The following CSMD2 variants were observed in gnomAD, a reference collection of about 807,000 sequenced individuals.
CSMD2 encodes CUB and Sushi multiple domains 2.
A neutral mutation model predicts 398.5 loss-of-function variants in CSMD2; 130 were observed. That is an observed-to-expected ratio of 0.33 (90% confidence interval 0.28 to 0.38). The LOEUF is 0.38. Ranked by LOEUF, CSMD2 falls within the 10% of genes least tolerant of loss-of-function variation. The probability of loss-of-function intolerance (pLI) is 1.00; values close to 1 mark genes in which losing one functional copy is unlikely to be tolerated. For missense variants in CSMD2, 3,829 were observed against 4,764.9 expected (o/e 0.80, Z 5.78); for synonymous variants, 1,828 against 1,908.5 (o/e 0.96, Z 1.10).
At chr1:33,598,668 T>G (rs927682255) in intron 44 of CSMD2, 4 of 137,178 alleles carry the variant, frequency 2.9e-5, no homozygotes, top group South Asian at 2.5e-4. Flanking sequence ...TTCCTGTGTT[T>G]TTTTTTTTTT....
chr1:33,614,602 A>G lies in CSMD2; in HGVS notation c.6035T>C (p.Val2012Ala), dbSNP rs1297150995. 6.2e-7 allele frequency: 1 copy of G among 1,607,636 alleles called. No individual in the cohort carries two copies. ...PLCIAQCGGTVEEMEGVILSP... is the reference protein window; with the variant it reads ...PLCIAQCGGTAEEMEGVILSP... ...CAGGATCACCCCCTCCATCTCCTCC[A>G]CTGTTCCCCCACACTGTGCTGTGAC... The change falls in exon 40 of 71, where the codon GTG becomes GCG. Residue 2012 changes from valine to alanine, a missense_variant. Coordinates refer to ENST00000373381, the MANE Select transcript of CSMD2 (RefSeq NM_001281956.2).
intron 12 of CSMD2, among the ~76,000 whole-genome samples, chr1:33,774,724 C>T (rs1029864044): frequency 7.2e-5 from 11 of 152,170 alleles, no homozygotes; most frequent in African/African-American, 2.4e-4. Context: ...CCCACAGCAG[C>T]TAGTCTGAGG....
At chr1:34,025,202 C>A (rs147515417) in intron 3 of CSMD2, among the ~76,000 whole-genome samples, 1 of 152,196 alleles carries the variant, frequency 6.6e-6, no homozygotes, top group African/African-American at 2.4e-5. Context: ...ACGCTGTGGT[C>A]CTTATACAGA....
chr1:33,600,048 G>C (rs1289965885), intron 44 of CSMD2: 9 of 640,782 alleles, frequency 1.4e-5, no homozygotes, highest in East Asian at 2.7e-5. Context: ...TGTAAAGTGG[G>C]GGTTAGAATA....
chr1:34,070,164 G>A (rs1054499775), intron 2 of CSMD2, among the ~76,000 whole-genome samples: 1 of 152,208 alleles, frequency 6.6e-6, no homozygotes, highest in Non-Finnish European at 1.5e-5. Flanking sequence ...TTGCCACTTT[G>A]AGGCCTTCAC....
In CSMD2 at chr1:33,519,603, G is replaced by C; in HGVS notation, c.10811C>G (p.Pro3604Arg). 1 of 1,614,038 alleles carries C rather than the reference G, an allele frequency of 6.2e-7. No individual in the cohort carries two copies. The highest frequency in any genetic ancestry group is 1.1e-5 in the South Asian group (1 of 91,072). Residue 3604 changes from proline to arginine, a missense_variant, in exon 70 of 71, where the codon CCA becomes CGA. This residue lies in a region of CSMD2 where 917 missense variants were observed against 1,199.5 expected (regional missense o/e 0.76). Coordinates refer to ENST00000373381, the MANE Select transcript of CSMD2 (RefSeq NM_001281956.2). This position sits in a 1 kb window ranked among gnomAD's most constrained non-coding sequence, Gnocchi z 5.6. Reference protein sequence around the residue: ...NTNVRATFENPMYDRNIQPTD... With the variant: ...NTNVRATFENRMYDRNIQPTD... ...GGGCTGGATGTTGCGGTCGTACATT[G>C]GGTTCTCAAATGTGGCCCGAACATT...
chr1:34,136,595 T>C (rs1571232768), intron 1 of CSMD2, among the ~76,000 whole-genome samples: 1 of 152,202 alleles, frequency 6.6e-6, no homozygotes, highest in African/African-American at 2.4e-5. Context: ...TTCCTTGGGA[T>C]AGGAGCCTGG....
intron 64 of CSMD2, among the ~76,000 whole-genome samples, chr1:33,529,644 A>G (rs952182920): frequency 1.3e-5 from 2 of 152,262 alleles, no homozygotes; most frequent in African/African-American, 4.8e-5. Flanking sequence ...AAAATGGATC[A>G]AAGACATAAA....
intron 3 of CSMD2, among the ~76,000 whole-genome samples, chr1:33,996,980 G>A (rs1406263401): frequency 6.6e-6 from 1 of 152,160 alleles, no homozygotes; most frequent in African/African-American, 2.4e-5. Flanking sequence ...TTCTGCACAT[G>A]CAGAAACTGA....
chr1:33,917,349 C>A (rs1643778839), intron 5 of CSMD2, among the ~76,000 whole-genome samples: 1 of 152,182 alleles, frequency 6.6e-6, no homozygotes, highest in Admixed American at 6.5e-5. Context: ...AACACAGCCA[C>A]AATGAGAATA....
chr1:33,644,637 G>A lies in CSMD2; in HGVS notation c.4774+2011C>T, dbSNP rs1286123163. On this transcript the variant is annotated intron_variant, in intron 29 of 70. Coordinates refer to ENST00000373381, the MANE Select transcript of CSMD2 (RefSeq NM_001281956.2). ...AGGTTTATGCACTTGGAGGACTAGC[G>A]GGCAGGACAATTGAGGGTACTGATG... 2.0e-5 allele frequency among the ~76,000 whole-genome samples: 3 copies of A among 152,244 alleles called. No individual in the cohort carries two copies. The East Asian group carries it at 5.8e-4, about 29-fold the overall frequency.
Position 33,743,460 on chromosome 1 carries a change from C to G in CSMD2, c.1993G>C (p.Val665Leu), listed in dbSNP as rs767876663. 2 of 1,614,162 alleles carry G rather than the reference C, an allele frequency of 1.2e-6. No homozygotes were observed. Among genetic ancestry groups the G allele is most frequent in the Non-Finnish European group, 8.5e-7 (1 of 1,180,040 alleles). ...RIHLAFNDIDVEPQFDFLVIK... is the reference protein window; with the variant it reads ...RIHLAFNDIDLEPQFDFLVIK... Reference sequence around the variant, plus strand: ...ACCAGGAAATCAAACTGAGGCTCCACGTCAATGTCGTTGAAGGCCAGGTGG... The same window carrying G: ...ACCAGGAAATCAAACTGAGGCTCCAGGTCAATGTCGTTGAAGGCCAGGTGG... Residue 665 changes from valine to leucine, a missense_variant, in exon 14 of 71, where the codon GTG (valine) becomes CTG (leucine). By Grantham distance (32) the Val-to-Leu change is conservative. Coordinates refer to ENST00000373381, the MANE Select transcript of CSMD2 (RefSeq NM_001281956.2).
At chr1:33,614,324 C>T (rs1010443255) in intron 40 of CSMD2, among the ~76,000 whole-genome samples, 180 bp downstream of exon 40, 6 of 152,102 alleles carry the variant, frequency 3.9e-5, no homozygotes, top group African/African-American at 1.4e-4. Context: ...ATATGTTAAT[C>T]TCTGCCATTC....
At chr1:33,670,341 A>C (rs916003326) in intron 25 of CSMD2, among the ~76,000 whole-genome samples, 1 of 152,160 alleles carries the variant, frequency 6.6e-6, no homozygotes, top group Non-Finnish European at 1.5e-5. Flanking sequence ...ATGTTGTCTG[A>C]CTGAATTGAT....
At chr1:33,766,917 G>A (rs909867280) in intron 13 of CSMD2, among the ~76,000 whole-genome samples, 4 of 152,258 alleles carry the variant, frequency 2.6e-5, no homozygotes, top group Non-Finnish European at 4.4e-5. Context: ...ATTATGAACC[G>A]ACACCATATT....
At position 33,722,197 on chromosome 1, in the gene CSMD2, T is replaced by G. The variant is rs891607524; in HGVS notation, c.3001+2000A>C. Among the ~76,000 whole-genome samples the G allele has an allele frequency of 2.0e-5, 3 of 152,246 alleles. No homozygotes were observed. The East Asian group carries it at 5.8e-4, about 29-fold the overall frequency. On this transcript the variant is annotated intron_variant, in intron 19 of 70. Transcript: ENST00000373381. ...CTAAATCTTGATGTAGAGTTTTACT[T>G]ATTTTCTTCAGATAAATTCCAGTAA...
chr1:33,588,807 G>T (rs1480243827), intron 44 of CSMD2, among the ~76,000 whole-genome samples: 2 of 152,086 alleles, frequency 1.3e-5, no homozygotes, highest in Non-Finnish European at 1.5e-5. Context: ...AGACTCAGTG[G>T]GAATGCATTC....
At chr1:33,825,195 C>T (rs749208047) in intron 7 of CSMD2, among the ~76,000 whole-genome samples, 11 of 152,280 alleles carry the variant, frequency 7.2e-5, no homozygotes, top group African/African-American at 2.6e-4. Context: ...GACCCACCCC[C>T]ACACTTCCCC....
intron 4 of CSMD2, among the ~76,000 whole-genome samples, chr1:33,925,497 T>C (rs895234061): frequency 6.6e-6 from 1 of 152,264 alleles, no homozygotes; most frequent in African/African-American, 2.4e-5. Flanking sequence ...AGCTTTGTTC[T>C]TTTTGCTCAA....
Sources: gnomAD v4.1 joint callset for allele counts (sites outside exome capture counted in the v4.1 genomes callset) on GRCh38, gnomAD v4.1.1 for gene constraint, gnomAD v4.1.1 regional missense constraint, Gnocchi (gnomAD v3.1) non-coding constraint, MANE v1.5 for transcripts, NCBI Gene and HGNC (gene_info 2026-07-23, HGNC 2026-07-21) for gene names.